Variants in LRIG2 observed in about 807,000 individuals in gnomAD.
The protein encoded by LRIG2 is leucine rich repeats and immunoglobulin like domains 2, also known as leucine-rich repeats and immunoglobulin-like domains protein 2.
A neutral mutation model predicts 107.8 loss-of-function variants in LRIG2; 93 were observed. The ratio of observed to expected loss-of-function variants is 0.86; its 90% CI spans 0.73 to 1.03. The LOEUF (loss-of-function observed/expected upper bound fraction) is 1.03, where lower values mean the gene tolerates loss of function less well. LRIG2 is among the 50% of genes least tolerant of loss of function. The probability of loss-of-function intolerance (pLI) is 0.00; values close to 1 mark genes in which losing one functional copy is unlikely to be tolerated. For synonymous variants in LRIG2, 471 were observed against 470.6 expected (o/e 1.00, Z -0.01); for missense variants, 1,226 against 1,296.0 (o/e 0.95, Z 0.83).
intron 12 of LRIG2, 38 bp downstream of exon 12, chr1:113,107,795 C>G (rs763550720): frequency 6.6e-7 from 1 of 1,510,896 alleles, no homozygotes; most frequent in South Asian, 1.2e-5. Flanking sequence ...ATATTACACA[C>G]TTATAATCTT....
intron 1 of LRIG2, among the ~76,000 whole-genome samples, chr1:113,083,878 G>A (rs1653402811): frequency 1.4e-5 from 2 of 146,146 alleles, no homozygotes; most frequent in Non-Finnish European, 3.0e-5. Context: ...GGGGAGGGAT[G>A]GCATTAGGAG....
Position 113,073,360 on chromosome 1 carries a change from T to C in LRIG2, c.-47T>C, listed in dbSNP as rs1338865747. 1.3e-6 allele frequency: 2 copies of C among 1,501,022 alleles called. No homozygotes were observed. Among genetic ancestry groups the C allele is most frequent in the Admixed American group, 1.7e-5 (1 of 57,638 alleles). 93.0% of individuals were successfully genotyped at this position (1,501,022 alleles called of 1,614,324 possible). ...GCTGAGCTTCTCCGCCGATCCTCCTTTTCTAGCAGGCAGCTCTTCTAGGCC... is the reference window on the plus strand; with the variant it reads ...GCTGAGCTTCTCCGCCGATCCTCCTCTTCTAGCAGGCAGCTCTTCTAGGCC... On this transcript the variant is annotated 5_prime_UTR_variant, in exon 1 of 18. Coordinates refer to ENST00000361127, the MANE Select transcript of LRIG2 (RefSeq NM_014813.3).
In LRIG2 at chr1:113,100,237, C is replaced by T; in HGVS notation, c.1199C>T (p.Ser400Leu). ...KLILQGNQIK[S>L]ITKKAFIGLE... ...ATCTTACAAGGAAACCAGATTAAGT[C>T]AATTACAAAGAAAGCATTCATTGGT... The change falls in exon 10 of 18, where the codon TCA becomes TTA. Residue 400 changes from serine (S) to leucine (L), a missense_variant. By Grantham distance (145) the Ser-to-Leu change is moderately radical (BLOSUM62 -2). Transcript: ENST00000361127. The T allele has an allele frequency of 6.3e-7, 1 of 1,586,774 alleles. No individual in the cohort carries two copies. The highest frequency in any genetic ancestry group is 1.1e-5 in the South Asian group (1 of 87,742).
chr1:113,094,367 T>C lies in LRIG2; in HGVS notation c.544T>C (p.Leu182=). 6.2e-7 allele frequency: 1 copy of C among 1,611,540 alleles called. No homozygotes were observed. Among genetic ancestry groups the C allele is most frequent in the Non-Finnish European group, 8.5e-7 (1 of 1,178,982 alleles). The part of the protein sequence containing the change: ...LNLSNNRITT[L]EAGCFDNLSS... ...TTTAAGTAATAACAGAATAACCACC[T>C]TGGAGGCTGGTTGCTTCGATAATTT... Residue 182 remains leucine (L), a synonymous_variant, in exon 5 of 18, where the codon TTG becomes CTG. Coordinates refer to ENST00000361127, the MANE Select transcript of LRIG2 (RefSeq NM_014813.3).
intron 7 of LRIG2, 81 bp from the exon 8 acceptor site, chr1:113,096,141 A>G (rs1570744961): frequency 6.3e-7 from 1 of 1,582,344 alleles, no homozygotes; most frequent in East Asian, 2.2e-5. Flanking sequence ...AAAGCTCTAA[A>G]TTTACCATGT....
intron 1 of LRIG2, among the ~76,000 whole-genome samples, chr1:113,074,227 G>A (rs1339278087): frequency 6.6e-6 from 1 of 152,184 alleles, no homozygotes; most frequent in Non-Finnish European, 1.5e-5. Context: ...GAATATCTTT[G>A]TAAGTAGCAT....
chr1:113,086,000 GTTTTT>G (rs34131524), intron 1 of LRIG2, among the ~76,000 whole-genome samples: 1 of 65,000 alleles, frequency 1.5e-5, no homozygotes, highest in Non-Finnish European at 2.8e-5. Flanking sequence ...TAACCCTGAG[GTTTTT>G]TTTTTTTTTT....
intron 17 of LRIG2, among the ~76,000 whole-genome samples, chr1:113,121,282 T>C (rs963017304): frequency 2.0e-5 from 3 of 152,210 alleles, no homozygotes; most frequent in African/African-American, 4.8e-5. Context: ...AAAAGAAATA[T>C]ACATTATATT....
intron 11 of LRIG2, among the ~76,000 whole-genome samples, chr1:113,106,980 C>T (rs2101050738): frequency 6.6e-6 from 1 of 152,288 alleles, no homozygotes; most frequent in African/African-American, 2.4e-5. Context: ...TACCCTTTAT[C>T]TAGATTCACC....
intron 1 of LRIG2, among the ~76,000 whole-genome samples, chr1:113,080,987 G>T (rs1289747755): frequency 6.6e-6 from 1 of 151,880 alleles, no homozygotes; most frequent in Non-Finnish European, 1.5e-5. Flanking sequence ...GGGATTACAG[G>T]CATGCACCAC....
chr1:113,124,505 A>G lies in LRIG2; in HGVS notation c.*404A>G. 1 of 198,102 alleles carries G rather than the reference A, an allele frequency of 5.0e-6. No individual in the cohort carries two copies. The highest frequency in any genetic ancestry group is 1.3e-4 in the East Asian group (1 of 7,494). 12.3% of individuals were successfully genotyped at this position (198,102 alleles called of 1,614,324 possible). A position where few individuals can be genotyped will look rare whatever the true frequency, so the allele number is the denominator to read the frequency against. Reference sequence around the variant, plus strand: ...TGTTCTACTTTGCTTTCCAAGGAGCAAAAATAACTTTGGAGCCTTCTGGGA... The same window carrying G: ...TGTTCTACTTTGCTTTCCAAGGAGCGAAAATAACTTTGGAGCCTTCTGGGA... On this transcript the variant is annotated 3_prime_UTR_variant, in exon 18 of 18. Coordinates refer to ENST00000361127, the MANE Select transcript of LRIG2 (RefSeq NM_014813.3).
chr1:113,100,606 A>G (rs866273454), intron 11 of LRIG2, 118 bp downstream of exon 11: 15 of 602,302 alleles, frequency 2.5e-5, no homozygotes, highest in African/African-American at 2.0e-4. Flanking sequence ...GGCAGGAAAA[A>G]AGAAAGTATT....
rs1302569653 is a variant in LRIG2, at chr1:113,110,428, C to G, written c.1664C>G (p.Ala555Gly). 2.5e-6 allele frequency: 4 copies of G among 1,614,148 alleles called. No homozygotes were observed. The highest frequency in any genetic ancestry group is 3.4e-6 in the Non-Finnish European group (4 of 1,180,000). The change falls in exon 13 of 18, where the codon GCT (alanine) becomes GGT (glycine). Residue 555 changes from alanine to glycine, a missense_variant. Coordinates refer to ENST00000361127, the MANE Select transcript of LRIG2 (RefSeq NM_014813.3). Reference protein sequence around the residue: ...TENFVRYWQQAGEALEYTSIL... With the variant: ...TENFVRYWQQGGEALEYTSIL... ...AATTTTGTTCGTTATTGGCAGCAAG[C>G]TGGAGAAGCTCTGGAATATACTAGT...
Position 113,131,829 on chromosome 1 carries a change from TGTGTGTG to T in LRIG2, c.*7729_*7735del, listed in dbSNP as rs1655712430. The T allele has an allele frequency of 6.6e-6, 1 of 151,656 alleles. No individual in the cohort carries two copies. Among genetic ancestry groups the T allele is most frequent in the Non-Finnish European group, 1.5e-5 (1 of 67,932 alleles). The allele number at this position is 151,656 out of a possible 1,614,324, so 9.4% of individuals were successfully genotyped here. ...GTGTGTGTGTGTGTGTGTGTGTGTG[TGTGTGTG>T]TGTGTGTGAAGATGGAATAGGGTGA... On this transcript the variant is annotated 3_prime_UTR_variant, in exon 18 of 18. Coordinates refer to ENST00000361127, the MANE Select transcript of LRIG2 (RefSeq NM_014813.3).
intron 14 of LRIG2, among the ~76,000 whole-genome samples, chr1:113,113,880 AG>A (rs1654884279): frequency 6.6e-6 from 1 of 152,178 alleles, no homozygotes; most frequent in Non-Finnish European, 1.5e-5. Flanking sequence ...GGAAAAGGGG[AG>A]GAAAGTCACT....
Position 113,073,625 on chromosome 1 carries a change from G to T in LRIG2, c.219G>T (p.Leu73=). The T allele has an allele frequency of 6.2e-7, 1 of 1,612,898 alleles. No homozygotes were observed. The change falls in exon 1 of 18, where the codon CTG becomes CTT. Residue 73 remains leucine, a synonymous_variant. Transcript: ENST00000361127. ...APSWRALSGL[L]PPDTAILDFS... is the part of the protein sequence containing the mutation. ...GCTGGAGGGCGCTGTCGGGCTTGCT[G>T]CCCCCCGACACCGCTATCCTGTGAG...
At chr1:113,088,874 AAT>A (rs1478896488) in intron 1 of LRIG2, among the ~76,000 whole-genome samples, 4 of 152,246 alleles carry the variant, frequency 2.6e-5, no homozygotes, top group Non-Finnish European at 5.9e-5. Flanking sequence ...GAAGTATCTG[AAT>A]ATGAGATTTT....
In LRIG2 at chr1:113,096,028, G is replaced by A; in HGVS notation, c.947+11G>A. The A allele has an allele frequency of 6.2e-7, 1 of 1,614,082 alleles. No individual in the cohort carries two copies. The highest frequency in any genetic ancestry group is 8.5e-7 in the Non-Finnish European group (1 of 1,179,944). On this transcript the variant is annotated intron_variant, in intron 7 of 17. Coordinates refer to ENST00000361127, the MANE Select transcript of LRIG2 (RefSeq NM_014813.3). ...AAGACTATCCGAACTGTAAGTGTTG[G>A]ATAGCATTTCACTGGAGGCAGTTAA...
intron 17 of LRIG2, among the ~76,000 whole-genome samples, chr1:113,122,117 C>G (rs1655287925): frequency 8.1e-6 from 1 of 124,118 alleles, no homozygotes; most frequent in Admixed American, 1.1e-4. Context: ...GAGTCTCGCT[C>G]TGTCGCCCAG....
Sources: gnomAD v4.1 joint callset for allele counts (sites outside exome capture counted in the v4.1 genomes callset) on GRCh38, gnomAD v4.1.1 for gene constraint, MANE v1.5 for transcripts, NCBI Gene and HGNC (gene_info 2026-07-23, HGNC 2026-07-21) for gene names.